Variants in YLPM1 observed in about 807,000 individuals in gnomAD.
YLPM1 encodes YLP motif containing 1, also known as YLP motif-containing protein 1.
In YLPM1, 99 loss-of-function variants were observed where a neutral mutation model predicts 230.0. The observed-to-expected ratio is 0.43, with a 90% CI of 0.37 to 0.51. The LOEUF (loss-of-function observed/expected upper bound fraction) is 0.51. YLPM1 is among the 20% of genes least tolerant of loss of function. The pLI, the probability that YLPM1 is intolerant of heterozygous loss-of-function variation, is 0.00. For synonymous variants in YLPM1, 984 were observed against 942.5 expected, an observed-to-expected ratio of 1.04 and a Z score of -0.81; for missense variants, 2,592 against 2,707.7, an observed-to-expected ratio of 0.96 and a Z score of 0.95.
At chr14:74,835,065 T>C (rs914640731) in intron 19 of YLPM1, 200 bp from the exon 20 acceptor site, 12 of 587,022 alleles carry the variant, frequency 2.0e-5, no homozygotes, top group South Asian at 1.5e-4. Context: ...CTGGAATGGT[T>C]AGGACTTGGA....
At chr14:74,819,197 G>A (rs981079978) in intron 16 of YLPM1, among the ~76,000 whole-genome samples, 5 of 151,698 alleles carry the variant, frequency 3.3e-5, no homozygotes, top group African/African-American at 1.2e-4. Context: ...TTTGATGGAA[G>A]GAAAAATTTT....
chr14:74,774,853 T>C (rs936632369), intron 1 of YLPM1, among the ~76,000 whole-genome samples: 2 of 152,112 alleles, frequency 1.3e-5, no homozygotes, highest in African/African-American at 4.8e-5. Flanking sequence ...CGAGGATTGA[T>C]TGTTTGCCCT....
chr14:74,779,949 A>C (rs565722220), intron 2 of YLPM1, among the ~76,000 whole-genome samples: 10 of 151,950 alleles, frequency 6.6e-5, no homozygotes, highest in Non-Finnish European at 1.3e-4. Context: ...GATTACAGGT[A>C]CCTGCCACCA....
intron 6 of YLPM1, 45 bp from the exon 7 acceptor site, chr14:74,809,335 C>T (rs952527678): frequency 1.3e-6 from 2 of 1,541,784 alleles, no homozygotes; most frequent in Non-Finnish European, 1.7e-6. Flanking sequence ...TCTATAAAAA[C>T]ATAGTGGTAT....
intron 6 of YLPM1, among the ~76,000 whole-genome samples, chr14:74,804,609 G>A (rs989799684): frequency 9.9e-5 from 15 of 152,128 alleles, no homozygotes; most frequent in Non-Finnish European, 2.1e-4. Context: ...TTACAACTCA[G>A]CTCTACTATT....
In YLPM1 at chr14:74,793,833, A is replaced by G. The variant is rs188557025; in HGVS notation, c.2283-3747A>G. On this transcript the variant is annotated intron_variant, in intron 4 of 20. Transcript: ENST00000325680. ...ATTCAGCCTAAGGAAAGGCTGGTTGATGGTTCCGAATATAGATTTACGTAT... is the reference window on the plus strand; with the variant it reads ...ATTCAGCCTAAGGAAAGGCTGGTTGGTGGTTCCGAATATAGATTTACGTAT... Among the ~76,000 whole-genome samples the G allele has an allele frequency of 1.2e-3, 183 of 152,246 alleles. 1 individual carries two copies. The highest frequency in any genetic ancestry group is 4.4e-3 in the African/African-American group (181 of 41,534).
rs752793029 is a variant in YLPM1 at position 74,809,721 on chromosome 14, C to T, written c.4863C>T (p.Gly1621=). 6.2e-7 allele frequency: 1 copy of T among 1,614,038 alleles called. No homozygotes were observed. The highest frequency in any genetic ancestry group is 1.1e-5 in the South Asian group (1 of 91,086). ...PPVHSSIPPP[G]PVPMGMPPMS... ...TTCACTCTTCCATTCCCCCTCCTGGCCCAGTGCCTATGGGTATGCCACCAA... is the reference window on the plus strand; with the variant it reads ...TTCACTCTTCCATTCCCCCTCCTGGTCCAGTGCCTATGGGTATGCCACCAA... Residue 1621 remains glycine, a synonymous_variant, in exon 7 of 21, where the codon GGC becomes GGT. Coordinates refer to ENST00000325680, the MANE Select transcript of YLPM1 (RefSeq NM_019589.3).
At chr14:74,828,275 T>C (rs903258726) in intron 18 of YLPM1, among the ~76,000 whole-genome samples, 4 of 152,208 alleles carry the variant, frequency 2.6e-5, no homozygotes, top group Non-Finnish European at 5.9e-5. Flanking sequence ...TAGGCTTTTC[T>C]TCATTGGCCT....
Position 74,835,301 on chromosome 14 carries a change from GATAGGAAAAGGGCC to G in YLPM1, c.6337_6350del (p.Lys2113PhefsTer7). ...AGACCTGGAAGAGAAGAAGGATGCA[GATAGGAAAAGGGCC>G]ATAGGTTTTGTGGTCGGACAGACTG... On this transcript the variant is annotated frameshift_variant, in exon 20 of 21. Transcript: ENST00000325680. LOFTEE classifies it high-confidence loss of function. 6.2e-7 allele frequency: 1 copy of G among 1,613,670 alleles called. No individual in the cohort carries two copies.
intron 18 of YLPM1, among the ~76,000 whole-genome samples, chr14:74,828,448 TAAG>T (rs2091583421): frequency 6.6e-6 from 1 of 152,224 alleles, no homozygotes; most frequent in African/African-American, 2.4e-5. Context: ...TGTTCTTCTT[TAAG>T]ACACCTAAAC....
chr14:74,835,322 T>A lies in YLPM1; in HGVS notation c.6352T>A (p.Phe2118Ile). The change falls in exon 20 of 21, where the codon TTT becomes ATT. Residue 2118 changes from phenylalanine to isoleucine, a missense_variant. Phe to Ile is a conservative substitution (Grantham distance 21, BLOSUM62 0). Coordinates refer to ENST00000325680, the MANE Select transcript of YLPM1 (RefSeq NM_019589.3). The stretch of plus-strand genomic sequence containing the variant: ...TGCAGATAGGAAAAGGGCCATAGGT[T>A]TTGTGGTCGGACAGACTGATTGGGA... ...KDADRKRAIG[F>I]VVGQTDWEKI... 6.2e-7 allele frequency: 1 copy of A among 1,613,680 alleles called. No homozygotes were observed. Among genetic ancestry groups the A allele is most frequent in the Non-Finnish European group, 8.5e-7 (1 of 1,179,716 alleles).
chr14:74,835,155 A>G (rs1210887084), intron 19 of YLPM1, 110 bp from the exon 20 acceptor site: 3 of 1,374,344 alleles, frequency 2.2e-6, no homozygotes, highest in Non-Finnish European at 2.9e-6. Flanking sequence ...AATTTTTTAA[A>G]CTTGCGGTTT....
At chr14:74,795,132 T>C (rs1219646653) in intron 4 of YLPM1, among the ~76,000 whole-genome samples, 1 of 152,218 alleles carries the variant, frequency 6.6e-6, no homozygotes, top group East Asian at 1.9e-4. Context: ...CAGACACACT[T>C]CACTTCACCT....
At chr14:74,807,322 A>C (rs1268537579) in intron 6 of YLPM1, among the ~76,000 whole-genome samples, 2 of 152,188 alleles carry the variant, frequency 1.3e-5, no homozygotes, top group Admixed American at 1.3e-4. Flanking sequence ...CAAAAAAATA[A>C]AACCAAACCA....
rs760156903 is a variant in YLPM1, at chr14:74,810,386, C to T, written c.5194C>T (p.Arg1732Ter). The change falls in exon 9 of 21, where the codon CGA (arginine) becomes TGA (stop). Residue 1732 changes from arginine to a stop codon, truncating the protein, a stop_gained. Transcript: ENST00000325680. LOFTEE classifies it high-confidence loss of function. ...DRGVIDYDRD[R>*]FDRERRPRDD... ...TGGTGTTATTGACTATGACCGGGAT[C>T]GATTTGACAGAGAACGCCGACCCCG... The T allele has an allele frequency of 2.5e-6, 4 of 1,612,882 alleles. No individual in the cohort carries two copies. Among genetic ancestry groups the T allele is most frequent in the South Asian group, 1.1e-5 (1 of 91,010 alleles).
chr14:74,794,263 A>C (rs925905239), intron 4 of YLPM1, among the ~76,000 whole-genome samples: 1 of 151,958 alleles, frequency 6.6e-6, no homozygotes, highest in African/African-American at 2.4e-5. Flanking sequence ...GGCTCACTGC[A>C]TTCTCCACCT....
intron 6 of YLPM1, among the ~76,000 whole-genome samples, chr14:74,803,714 C>A (rs569611858): frequency 1.4e-4 from 22 of 152,266 alleles, no homozygotes; most frequent in Non-Finnish European, 3.1e-4. Context: ...AACTTGAAAC[C>A]TGAAAATCAA....
At chr14:74,819,050 A>G (rs1461638232) in intron 16 of YLPM1, among the ~76,000 whole-genome samples, 1 of 152,172 alleles carries the variant, frequency 6.6e-6, no homozygotes, top group African/African-American at 2.4e-5. Context: ...AGCACTGATT[A>G]CTTGGTTAAG....
intron 17 of YLPM1, 130 bp from the exon 18 acceptor site, chr14:74,824,126 A>T: frequency 1.3e-6 from 1 of 798,558 alleles, no homozygotes; most frequent in Non-Finnish European, 2.0e-6. Flanking sequence ...TGTTTCCCCT[A>T]AGGATGTATT....
Sources: gnomAD v4.1 joint callset for allele counts (sites outside exome capture counted in the v4.1 genomes callset) on GRCh38, gnomAD v4.1.1 for gene constraint, MANE v1.5 for transcripts, NCBI Gene and HGNC (gene_info 2026-07-23, HGNC 2026-07-21) for gene names.